Variants in ZNF239 observed in about 807,000 individuals in gnomAD.
ZNF239 encodes zinc finger protein (C2H2) homologous to mouse MOK-2.
ZNF239 carries 16 observed loss-of-function variants against 27.5 expected under a neutral mutation model. The observed-to-expected ratio is 0.58, with a 90% CI of 0.39 to 0.88. The LOEUF (loss-of-function observed/expected upper bound fraction) is 0.88, where lower values mean the gene tolerates loss of function less well. ZNF239 is among the 40% of genes least tolerant of loss of function. The probability of loss-of-function intolerance (pLI) is 0.00; values close to 1 mark genes in which losing one functional copy is unlikely to be tolerated. For synonymous variants in ZNF239, 199 were observed against 192.6 expected (o/e 1.03, Z -0.27); for missense variants, 527 against 551.9 (o/e 0.95, Z 0.45).
chr10:43,563,658 G>A (rs1010716802), intron 3 of ZNF239, among the ~76,000 whole-genome samples: 2 of 152,178 alleles, frequency 1.3e-5, no homozygotes, highest in Non-Finnish European at 2.9e-5. Flanking sequence ...AAAACCTAGA[G>A]CAGAGCTTGA....
chr10:43,569,228 G>A (rs958046493), intron 2 of ZNF239, among the ~76,000 whole-genome samples: 1 of 152,034 alleles, frequency 6.6e-6, no homozygotes, highest in Non-Finnish European at 1.5e-5. Flanking sequence ...CATCCACCCA[G>A]CTCCCCTGCC....
At chr10:43,567,873 G>T in intron 3 of ZNF239, 26 bp downstream of exon 3, 1 of 981,922 alleles carries the variant, frequency 1.0e-6, no homozygotes. Context: ...ATGGGCAGGT[G>T]TCCAAGTTCA....
At chr10:43,570,297 T>C (rs1174929936) in intron 2 of ZNF239, 23 of 985,108 alleles carry the variant, frequency 2.3e-5, no homozygotes, top group Non-Finnish European at 2.7e-5. Context: ...AAAAGGAGGC[T>C]CAAGCCCCGG....
chr10:43,563,361 T>C (rs1480672991), intron 3 of ZNF239, among the ~76,000 whole-genome samples: 1 of 151,914 alleles, frequency 6.6e-6, no homozygotes, highest in African/African-American at 2.4e-5. Flanking sequence ...TGTATAACAT[T>C]AGGAGAAAAT....
chr10:43,565,226 G>C (rs1297305291), intron 3 of ZNF239, among the ~76,000 whole-genome samples: 1 of 152,074 alleles, frequency 6.6e-6, no homozygotes, highest in African/African-American at 2.4e-5. Context: ...TGGGATTAAA[G>C]GCACCCGCCA....
Position 43,570,705 on chromosome 10 carries a change from C to T in ZNF239, c.-215-2684G>A, listed in dbSNP as rs184917809. On this transcript the variant is annotated intron_variant, in intron 2 of 3. Transcript: ENST00000374446. ...ATGTGTTACCTCTTTTCCATTTCCA[C>T]TGCCAGTCTTAGTAAGACCCTTATT... The T allele has an allele frequency of 6.7e-6, 6 of 900,030 alleles. No individual in the cohort carries two copies. In the East Asian group the frequency reaches 7.2e-4, roughly 107 times the overall value. 55.8% of individuals were successfully genotyped at this position (900,030 alleles called of 1,614,324 possible).
intron 1 of ZNF239, among the ~76,000 whole-genome samples, chr10:43,574,221 C>T (rs2132323523): frequency 6.6e-6 from 1 of 152,334 alleles, no homozygotes. Flanking sequence ...GCCGGCGTGG[C>T]CAACCACGAA....
chr10:43,573,041 A>G (rs1260062516), intron 2 of ZNF239, among the ~76,000 whole-genome samples: 1 of 152,170 alleles, frequency 6.6e-6, no homozygotes, highest in Non-Finnish European at 1.5e-5. Flanking sequence ...CTAGGTCTGG[A>G]AGAGAGAAGG....
rs2230661 is a variant in ZNF239, at chr10:43,557,455, A to G, written c.625T>C (p.Cys209Arg). Residue 209 changes from cysteine (C) to arginine (R), a missense_variant, in exon 4 of 4, where the codon TGT becomes CGT. Physicochemically the swap from Cys to Arg is radical, Grantham distance 180 (BLOSUM62 -3). Transcript: ENST00000374446. Reference sequence around the variant, plus strand: ...CTGAAGTTCTTACCACACTGACTACATTCGTATTGTTTCTCTGCAGTGTGG... The same window carrying G: ...CTGAAGTTCTTACCACACTGACTACGTTCGTATTGTTTCTCTGCAGTGTGG... The part of the protein sequence containing the change: ...KIHTAEKQYE[C>R]SQCGKNFSQS... The G allele has an allele frequency of 2.5e-6, 4 of 1,613,878 alleles. No individual in the cohort carries two copies. Among genetic ancestry groups the G allele is most frequent in the Non-Finnish European group, 3.4e-6 (4 of 1,179,988 alleles).
Position 43,557,256 on chromosome 10 carries a change from C to G in ZNF239, c.824G>C (p.Ser275Thr), listed in dbSNP as rs1394311301. 6.2e-7 allele frequency: 1 copy of G among 1,614,000 alleles called. No individual in the cohort carries two copies. Among genetic ancestry groups the G allele is most frequent in the African/African-American group, 1.3e-5 (1 of 74,898 alleles). Residue 275 changes from serine (S) to threonine (T), a missense_variant, in exon 4 of 4, where the codon AGC becomes ACC. Transcript: ENST00000374446. ...CDKCGKGFTR[S>T]SSLLIHHAVH... ...GGCATGATGGATGAGCAGACTTGAG[C>G]TCCTGGTGAAGCCCTTCCCACACTT...
chr10:43,570,426 C>T, intron 2 of ZNF239: 1 of 985,296 alleles, frequency 1.0e-6, no homozygotes, highest in Non-Finnish European at 1.2e-6. Flanking sequence ...CTGCTCTTCC[C>T]AACCAGACCT....
Position 43,557,378 on chromosome 10 carries a change from G to C in ZNF239, c.702C>G (p.Pro234=), listed in dbSNP as rs1172044239. The C allele has an allele frequency of 2.7e-5, 44 of 1,614,074 alleles. 1 individual carries two copies. The East Asian group carries it at 9.8e-4, about 36-fold the overall frequency. The change falls in exon 4 of 4, where the codon CCC becomes CCG. Residue 234 remains proline (P), a synonymous_variant. Transcript: ENST00000374446. ...LHQRDHTEEK[P]YKCEQCGKGF... ...CCTTCCCACATTGCTCACATTTGTAGGGTTTTTCTTCTGTGTGGTCTCTCT... is the reference window on the plus strand; with the variant it reads ...CCTTCCCACATTGCTCACATTTGTACGGTTTTTCTTCTGTGTGGTCTCTCT...
At chr10:43,563,149 C>T (rs1245120069) in intron 3 of ZNF239, among the ~76,000 whole-genome samples, 1 of 151,988 alleles carries the variant, frequency 6.6e-6, no homozygotes, top group Non-Finnish European at 1.5e-5. Context: ...ACCCAGTCTC[C>T]TCTGAATATA....
At chr10:43,570,976 AAAAGG>A (rs1181748372) in intron 2 of ZNF239, 33 of 985,136 alleles carry the variant, frequency 3.3e-5, no homozygotes, top group Non-Finnish European at 4.0e-5. Flanking sequence ...GGGAAAGGAG[AAAAGG>A]AAAGGAAATT....
intron 3 of ZNF239, among the ~76,000 whole-genome samples, chr10:43,562,112 A>G (rs1335939030): frequency 6.6e-6 from 1 of 152,178 alleles, no homozygotes; most frequent in Non-Finnish European, 1.5e-5. Context: ...TGGGGAGGTA[A>G]TATAAAAAAG....
chr10:43,570,077 T>G, intron 2 of ZNF239: 1 of 634,868 alleles, frequency 1.6e-6, no homozygotes, highest in Non-Finnish European at 2.0e-6. Context: ...AAAGGCTGTC[T>G]CATAAATTTG....
At chr10:43,571,529 G>A (rs374801795) in intron 2 of ZNF239, among the ~76,000 whole-genome samples, 1 of 151,952 alleles carries the variant, frequency 6.6e-6, no homozygotes, top group Non-Finnish European at 1.5e-5. Context: ...CAAGTTGGCT[G>A]GAAGATTCTG....
chr10:43,557,626 A>T lies in ZNF239; in HGVS notation c.454T>A (p.Cys152Ser), dbSNP rs1341296225. ...QLKESLDPIDCNCKDIHGWKS... is the reference protein window; with the variant it reads ...QLKESLDPIDSNCKDIHGWKS... ...CATCCATGAATGTCTTTGCAGTTACAGTCAATGGGATCCAAAGATTCTTTT... is the reference window on the plus strand; with the variant it reads ...CATCCATGAATGTCTTTGCAGTTACTGTCAATGGGATCCAAAGATTCTTTT... The change falls in exon 4 of 4, where the codon TGT (cysteine) becomes AGT (serine). Residue 152 changes from cysteine (C) to serine (S), a missense_variant. Coordinates refer to ENST00000374446, the MANE Select transcript of ZNF239 (RefSeq NM_001099282.2). 1 of 1,614,068 alleles carries T rather than the reference A, an allele frequency of 6.2e-7. No individual in the cohort carries two copies. The highest frequency in any genetic ancestry group is 8.5e-7 in the Non-Finnish European group (1 of 1,180,046).
Position 43,557,435 on chromosome 10 carries a change from G to A in ZNF239, c.645C>T (p.Asn215=). Reference sequence around the variant, plus strand: ...GTAGTAGCTCTGAGCTTTGACTGAAGTTCTTACCACACTGACTACATTCGT... The same window carrying A: ...GTAGTAGCTCTGAGCTTTGACTGAAATTCTTACCACACTGACTACATTCGT... ...KQYECSQCGK[N]FSQSSELLLH... The change falls in exon 4 of 4, where the codon AAC becomes AAT. Residue 215 remains asparagine, a synonymous_variant. Coordinates refer to ENST00000374446, the MANE Select transcript of ZNF239 (RefSeq NM_001099282.2). 6.2e-7 allele frequency: 1 copy of A among 1,614,132 alleles called. No homozygotes were observed.
Sources: allele counts gnomAD v4.1 joint callset (sites outside exome capture counted in the v4.1 genomes callset), GRCh38; gene constraint gnomAD v4.1.1; transcripts MANE v1.5; gene names NCBI Gene and HGNC (gene_info 2026-07-23, HGNC 2026-07-21).